SMC5: variants seen among roughly 807,000 people sequenced by gnomAD.
SMC5 encodes the protein structural maintenance of chromosomes protein 5.
SMC5 carries 88 observed loss-of-function variants against 148.3 expected under a neutral mutation model. That is an observed-to-expected ratio of 0.59 (90% CI 0.50 to 0.71). The LOEUF is 0.71. Among genes scored for constraint, SMC5 ranks in the 30% least tolerant of loss-of-function variants. The pLI is 0.00. For missense variants in SMC5, 1,142 were observed against 1,298.9 expected (o/e 0.88, Z 1.86); for synonymous variants, 421 against 432.8 (o/e 0.97, Z 0.34).
chr9:70,259,462 C>T (rs1490036134), intron 1 of SMC5, among the ~76,000 whole-genome samples, 199 bp downstream of exon 1: 1 of 152,182 alleles, frequency 6.6e-6, no homozygotes, highest in Non-Finnish European at 1.5e-5. Context: ...AGATGTGTGC[C>T]TTGGGTGATG....
At position 70,348,135 on chromosome 9, in the gene SMC5, C is replaced by T. The variant is rs577312101; in HGVS notation, c.2889+97C>T. 4.3e-6 allele frequency: 5 copies of T among 1,169,240 alleles called. No homozygotes were observed. The Admixed American group carries it at 1.8e-4, about 43-fold the overall frequency. The allele number at this position is 1,169,240 out of a possible 1,614,324, so 72.4% of individuals were successfully genotyped here. A position where few individuals can be genotyped will look rare whatever the true frequency, so the allele number is the denominator to read the frequency against. The stretch of plus-strand genomic sequence containing the variant: ...TTATTTATTTACTTTTGAGTTATAT[C>T]TGTGAAAAGTTTTGTTTACCAAAAT... On this transcript the variant is annotated intron_variant, in intron 22 of 24. Transcript: ENST00000361138.
chr9:70,267,171 G>T (rs2034312300), intron 2 of SMC5, among the ~76,000 whole-genome samples: 1 of 151,706 alleles, frequency 6.6e-6, no homozygotes, highest in Admixed American at 6.6e-5. Flanking sequence ...TATAGTAAAT[G>T]CTTGATAAAT....
chr9:70,341,596 A>G (rs182029204), intron 17 of SMC5, among the ~76,000 whole-genome samples: 31 of 152,326 alleles, frequency 2.0e-4, no homozygotes, highest in African/African-American at 7.5e-4. Flanking sequence ...TTGGTCCAGT[A>G]TCTATCCTTT....
At chr9:70,280,726 TCAAAC>T (rs1363667746) in intron 5 of SMC5, 28 bp from the exon 6 acceptor site, 1 of 1,572,258 alleles carries the variant, frequency 6.4e-7, no homozygotes, top group Non-Finnish European at 8.6e-7. Context: ...ATTTTTTCTG[TCAAAC>T]TGATTGTTCA....
intron 17 of SMC5, among the ~76,000 whole-genome samples, chr9:70,335,553 T>C (rs1325522309): frequency 5.9e-5 from 9 of 152,036 alleles, no homozygotes; most frequent in Non-Finnish European, 1.0e-4. Context: ...TTAAACAAAT[T>C]ATGGTATGTG....
chr9:70,287,203 C>T (rs2034928146), intron 8 of SMC5, among the ~76,000 whole-genome samples: 1 of 152,098 alleles, frequency 6.6e-6, no homozygotes, highest in Non-Finnish European at 1.5e-5. Flanking sequence ...TGCAGCTTCT[C>T]AATCTGAGAA....
intron 17 of SMC5, among the ~76,000 whole-genome samples, chr9:70,337,361 A>C (rs919261283): frequency 1.3e-5 from 2 of 152,064 alleles, no homozygotes; most frequent in African/African-American, 4.8e-5. Flanking sequence ...TAGCCCTTAT[A>C]GATGGACTGA....
chr9:70,300,764 G>T (rs1392536914), intron 10 of SMC5, among the ~76,000 whole-genome samples: 1 of 152,084 alleles, frequency 6.6e-6, no homozygotes, highest in Admixed American at 6.6e-5. Flanking sequence ...TTACTAAGAT[G>T]TTTGCCATCC....
chr9:70,284,408 C>T (rs1340878279), intron 7 of SMC5, among the ~76,000 whole-genome samples: 1 of 152,172 alleles, frequency 6.6e-6, no homozygotes, highest in Non-Finnish European at 1.5e-5. Context: ...GATAACACGA[C>T]TTCCTCAAGG....
At chr9:70,295,487 A>G (rs972329414) in intron 8 of SMC5, among the ~76,000 whole-genome samples, 1 of 149,832 alleles carries the variant, frequency 6.7e-6, no homozygotes, top group Non-Finnish European at 1.5e-5. Context: ...AAAAAAAAAA[A>G]GAAGAAGAGG....
intron 8 of SMC5, among the ~76,000 whole-genome samples, chr9:70,297,342 T>C (rs981984002): frequency 4.6e-5 from 7 of 152,252 alleles, no homozygotes; most frequent in African/African-American, 1.7e-4. Flanking sequence ...CCATCATTCC[T>C]GACTCTCTAT....
chr9:70,338,157 C>T (rs2036415892), intron 17 of SMC5, among the ~76,000 whole-genome samples: 1 of 151,952 alleles, frequency 6.6e-6, no homozygotes, highest in African/African-American at 2.4e-5. Context: ...TCTAGGACTA[C>T]AGGTGCATGC....
At chr9:70,293,017 G>T (rs1395743871) in intron 8 of SMC5, among the ~76,000 whole-genome samples, 1 of 151,970 alleles carries the variant, frequency 6.6e-6, no homozygotes, top group Non-Finnish European at 1.5e-5. Context: ...AAAATGAATT[G>T]GGAAGTGATC....
At position 70,347,914 on chromosome 9, in the gene SMC5, T is replaced by G. The variant is rs1035834355; in HGVS notation, c.2770-5T>G. On this transcript the variant is annotated splice_polypyrimidine_tract_variant and splice_region_variant and intron_variant, in intron 21 of 24. Coordinates refer to ENST00000361138, the MANE Select transcript of SMC5 (RefSeq NM_015110.4). ...ATTGTGTTTTTATATTGCCTTTATT[T>G]GTAGGTAAAAGAAAGGTGGCTTAAT... 1 of 1,572,926 alleles carries G rather than the reference T, an allele frequency of 6.4e-7. No individual in the cohort carries two copies. The highest frequency in any genetic ancestry group is 2.3e-5 in the East Asian group (1 of 44,392).
At position 70,346,636 on chromosome 9, in the gene SMC5, C is replaced by T. The variant is rs1452360647; in HGVS notation, c.2555C>T (p.Ser852Phe). 2.5e-6 allele frequency: 4 copies of T among 1,613,946 alleles called. No homozygotes were observed. Among genetic ancestry groups the T allele is most frequent in the African/African-American group, 1.3e-5 (1 of 74,932 alleles). Residue 852 changes from serine (S) to phenylalanine (F), a missense_variant, in exon 19 of 25, where the codon TCC becomes TTC. Transcript: ENST00000361138. ...QVPTIPNGHN[S>F]SLPMVFQDLP... The stretch of plus-strand genomic sequence containing the variant: ...CCCACCATTCCAAATGGACACAACT[C>T]CTCACTCCCCATGGTATGCAGTACT...
intron 6 of SMC5, 139 bp downstream of exon 6, chr9:70,281,038 C>A: frequency 1.1e-6 from 1 of 871,656 alleles, no homozygotes; most frequent in Non-Finnish European, 1.7e-6. Flanking sequence ...TAATAAAATT[C>A]ATGTCTTTTT....
intron 18 of SMC5, 161 bp downstream of exon 18, chr9:70,344,430 A>C: frequency 3.4e-6 from 1 of 297,856 alleles, no homozygotes; most frequent in Non-Finnish European, 6.0e-6. Flanking sequence ...ATATAAAATA[A>C]TGTTGCTTAA....
chr9:70,318,990 G>C, intron 15 of SMC5, 27 bp downstream of exon 15: 1 of 1,575,868 alleles, frequency 6.3e-7, no homozygotes, highest in African/African-American at 1.4e-5. Context: ...TCAGGGGGGA[G>C]AGCACAAATT....
At chr9:70,299,787 T>G (rs570057954) in intron 9 of SMC5, among the ~76,000 whole-genome samples, 5 of 151,656 alleles carry the variant, frequency 3.3e-5, no homozygotes, top group East Asian at 3.9e-4. Context: ...TTGTGGGTTT[T>G]TTTGTTTGTT....
Sources: gnomAD v4.1 joint callset for allele counts (sites outside exome capture counted in the v4.1 genomes callset) on GRCh38, gnomAD v4.1.1 for gene constraint, MANE v1.5 for transcripts, NCBI Gene and HGNC (gene_info 2026-07-23, HGNC 2026-07-21) for gene names.